The following ADAMTS14 variants were observed in gnomAD, a reference collection of about 807,000 sequenced individuals.
The protein encoded by ADAMTS14 is A disintegrin and metalloproteinase with thrombospondin motifs 14.
In ADAMTS14, 100 loss-of-function variants were observed where a neutral mutation model predicts 128.6. The ratio of observed to expected loss-of-function variants is 0.78; its 90% CI spans 0.66 to 0.92. The LOEUF is 0.92. Ranked by LOEUF, ADAMTS14 falls within the 40% of genes least tolerant of loss-of-function variation. ADAMTS14 has a pLI of 0.00. For synonymous variants in ADAMTS14, 665 were observed against 653.8 expected (o/e 1.02, Z -0.26); for missense variants, 1,562 against 1,658.6 (o/e 0.94, Z 1.01).
chr10:70,743,833 G>T, intron 13 of ADAMTS14, 152 bp downstream of exon 13: 1 of 1,275,888 alleles, frequency 7.8e-7, no homozygotes, highest in Non-Finnish European at 1.1e-6. Context: ...GCTGGAAGGG[G>T]CTAATTATTG....
At chr10:70,722,917 C>T (rs1448675270) in intron 4 of ADAMTS14, among the ~76,000 whole-genome samples, 1 of 152,178 alleles carries the variant, frequency 6.6e-6, no homozygotes, top group African/African-American at 2.4e-5. Context: ...TTTTAACTCC[C>T]CACTCCCTAG....
At chr10:70,759,485 A>G (rs1254188207) in intron 21 of ADAMTS14, among the ~76,000 whole-genome samples, 2 of 152,204 alleles carry the variant, frequency 1.3e-5, no homozygotes, top group Non-Finnish European at 2.9e-5. Flanking sequence ...TAGTGTAATG[A>G]GCACTTATCT....
chr10:70,745,409 T>G, intron 15 of ADAMTS14, 103 bp downstream of exon 15: 1 of 1,205,684 alleles, frequency 8.3e-7, no homozygotes, highest in Non-Finnish European at 1.2e-6. Flanking sequence ...ACAAGTGGAA[T>G]TGTACTAACT....
chr10:70,676,145 T>A (rs991361670), intron 2 of ADAMTS14, among the ~76,000 whole-genome samples: 1 of 149,636 alleles, frequency 6.7e-6, no homozygotes, highest in Admixed American at 6.7e-5. Context: ...TTTTTTTTTT[T>A]AGAGGTGGAT....
At chr10:70,704,983 C>T (rs1442507913) in intron 3 of ADAMTS14, among the ~76,000 whole-genome samples, 1 of 151,926 alleles carries the variant, frequency 6.6e-6, no homozygotes, top group Non-Finnish European at 1.5e-5. Flanking sequence ...CCCACATCCA[C>T]ACACTGACAC....
At position 70,705,673 on chromosome 10, in the gene ADAMTS14, G is replaced by A. The variant is rs116295469; in HGVS notation, c.680-2915G>A. 8.1e-3 allele frequency among the ~76,000 whole-genome samples: 1,234 copies of A among 152,312 alleles called. 13 individuals carry two copies. Among genetic ancestry groups the A allele is most frequent in the African/African-American group, 0.028 (1,158 of 41,556 alleles). On this transcript the variant is annotated intron_variant, in intron 3 of 21. Transcript: ENST00000373207. Reference sequence around the variant, plus strand: ...TAAATAGGATTTGCCTATTCAGAACGTTTCATGGAATGAAATCATGTGGTA... The same window carrying A: ...TAAATAGGATTTGCCTATTCAGAACATTTCATGGAATGAAATCATGTGGTA...
In ADAMTS14 at chr10:70,753,948, C is replaced by T. The variant is rs539379037; in HGVS notation, c.2878C>T (p.Arg960Ter). The part of the protein sequence containing the change: ...KACAGDRPEA[R>*]RPCLRVPCPA... ...CTGCGCCGGGGACCGGCCTGAGGCC[C>T]GACGGCCCTGTCTCCGAGTGCCCTG... The change falls in exon 19 of 22, where the codon CGA becomes TGA. Residue 960 changes from arginine to a stop codon, truncating the protein, a stop_gained. Transcript: ENST00000373207. LOFTEE classifies it high-confidence loss of function. The T allele has an allele frequency of 1.3e-5, 21 of 1,585,288 alleles. No individual in the cohort carries two copies. Among genetic ancestry groups the T allele is most frequent in the South Asian group, 3.5e-5 (3 of 86,476 alleles).
chr10:70,726,034 G>T (rs79814977), intron 4 of ADAMTS14, among the ~76,000 whole-genome samples: 3 of 152,186 alleles, frequency 2.0e-5, no homozygotes, highest in African/African-American at 4.8e-5. Context: ...CCTTGGTCTC[G>T]GGTTGCTTCT....
intron 2 of ADAMTS14, among the ~76,000 whole-genome samples, 161 bp from the exon 3 acceptor site, chr10:70,702,151 T>C (rs950385490): frequency 9.2e-5 from 14 of 152,182 alleles, no homozygotes; most frequent in Admixed American, 6.5e-4. Flanking sequence ...CAGGGCCTCA[T>C]AGAACATCCT....
Position 70,738,831 on chromosome 10 carries a change from C to T in ADAMTS14, c.1600-11C>T. The T allele has an allele frequency of 6.2e-7, 1 of 1,613,860 alleles. No individual in the cohort carries two copies. Among genetic ancestry groups the T allele is most frequent in the Non-Finnish European group, 8.5e-7 (1 of 1,180,014 alleles). ...GCCCAGGGTGACCTCATGCCCTCTG[C>T]TCTGCCCCAGTGGTGCTTCAAAGGT... On this transcript the variant is annotated splice_polypyrimidine_tract_variant and intron_variant, in intron 10 of 21. Coordinates refer to ENST00000373207, the MANE Select transcript of ADAMTS14 (RefSeq NM_080722.4).
intron 2 of ADAMTS14, among the ~76,000 whole-genome samples, chr10:70,699,956 G>T (rs1273110863): frequency 1.3e-5 from 2 of 152,056 alleles, no homozygotes; most frequent in Non-Finnish European, 2.9e-5. Flanking sequence ...AGTGGCCTCT[G>T]ACTCATGCTG....
chr10:70,744,286 G>A, intron 14 of ADAMTS14, 97 bp downstream of exon 14: 1 of 1,373,844 alleles, frequency 7.3e-7, no homozygotes, highest in South Asian at 1.7e-5. Context: ...CACAGTCTGG[G>A]GTGGGGAGAA....
In ADAMTS14 at chr10:70,750,869, G is replaced by C. The variant is rs1461241988; in HGVS notation, c.2428-609G>C. On this transcript the variant is annotated intron_variant, in intron 16 of 21. Transcript: ENST00000373207. ...TAACTCAAAATAGATCAAAGACCTA[G>C]ATATAAGAGCTTAAACCATACAACT... Among the ~76,000 whole-genome samples the C allele has an allele frequency of 2.0e-5, 3 of 152,124 alleles. No homozygotes were observed. In the East Asian group the frequency reaches 5.8e-4, roughly 29 times the overall value.
At chr10:70,750,010 A>C (rs1360915661) in intron 16 of ADAMTS14, 25 bp downstream of exon 16, 1 of 1,609,130 alleles carries the variant, frequency 6.2e-7, no homozygotes, top group Non-Finnish European at 8.5e-7. Flanking sequence ...GTGCGGTGGC[A>C]ACCCCTGCCC....
intron 4 of ADAMTS14, among the ~76,000 whole-genome samples, chr10:70,711,093 T>C (rs1210248913): frequency 6.6e-6 from 1 of 152,214 alleles, no homozygotes; most frequent in African/African-American, 2.4e-5. Flanking sequence ...ACAAAAGCGG[T>C]AATTTCTTTC....
At chr10:70,726,753 A>ATG (rs1014461480) in intron 4 of ADAMTS14, among the ~76,000 whole-genome samples, 5 of 151,984 alleles carry the variant, frequency 3.3e-5, no homozygotes, top group African/African-American at 9.7e-5. Context: ...CAGGGAGCCT[A>ATG]TGTGTGTGTG....
chr10:70,751,389 TA>T, intron 16 of ADAMTS14, 88 bp from the exon 17 acceptor site: 2 of 1,325,848 alleles, frequency 1.5e-6, no homozygotes, highest in Non-Finnish European at 2.1e-6. Flanking sequence ...GCTCCGACCC[TA>T]AGGCCTTCTC....
intron 16 of ADAMTS14, among the ~76,000 whole-genome samples, chr10:70,750,408 G>A (rs1301143084): frequency 6.6e-6 from 1 of 152,190 alleles, no homozygotes; most frequent in Non-Finnish European, 1.5e-5. Flanking sequence ...CTGAAAAGGG[G>A]ACAAGAGCCT....
chr10:70,749,320 C>A (rs1345399640), intron 15 of ADAMTS14, among the ~76,000 whole-genome samples: 1 of 152,160 alleles, frequency 6.6e-6, no homozygotes, highest in African/African-American at 2.4e-5. Context: ...GAACTGGGTA[C>A]AATGATCATT....
Sources: allele counts gnomAD v4.1 joint callset (sites outside exome capture counted in the v4.1 genomes callset), GRCh38; gene constraint gnomAD v4.1.1; transcripts MANE v1.5; gene names NCBI Gene and HGNC (gene_info 2026-07-23, HGNC 2026-07-21).